MUC22: variants seen among roughly 807,000 people sequenced by gnomAD.
MUC22 encodes mucin-22.
Under a neutral mutation model 40.3 loss-of-function variants are expected in MUC22, and 24 were observed. The observed-to-expected ratio is 0.60, with a 90% confidence interval of 0.43 to 0.84. MUC22 has a LOEUF of 0.84. Among genes scored for constraint, MUC22 ranks in the 40% least tolerant of loss-of-function variants. The probability of loss-of-function intolerance (pLI) is 0.00; values close to 1 mark genes in which losing one functional copy is unlikely to be tolerated. For missense variants in MUC22, 1,926 were observed against 2,130.7 expected, an observed-to-expected ratio of 0.90 and a Z score of 1.89; for synonymous variants, 765 against 844.5, an observed-to-expected ratio of 0.91 and a Z score of 1.63.
At chr6:31,027,164 T>C in exon 2 of MUC22, 1 of 1,498,338 alleles carries the variant, frequency 6.7e-7, no homozygotes, top group Non-Finnish European at 8.9e-7. Flanking sequence ...GTGACCACAG[T>C]CTTTGCTGCA....
chr6:31,015,519 A>G (rs7761278), intron 1 of MUC22, among the ~76,000 whole-genome samples: 22,077 of 152,062 alleles, frequency 0.15, 1,756 homozygotes, highest in African/African-American at 0.19. Context: ...AGAAGAGAAA[A>G]ATGGGCCCAG....
chr6:31,027,371 C>A, exon 2 of MUC22: 1 of 1,532,532 alleles, frequency 6.5e-7, no homozygotes, highest in Non-Finnish European at 8.7e-7. Context: ...GAGGCCACTA[C>A]AGTCTCCACC....
chr6:31,024,127 A>C (rs1765083893), intron 1 of MUC22, among the ~76,000 whole-genome samples: 1 of 150,786 alleles, frequency 6.6e-6, no homozygotes, highest in South Asian at 2.1e-4. Context: ...ATTGACCTGT[A>C]ATCTTCAAAG....
At chr6:31,009,061 T>G (rs1763700863), upstream of MUC22, among the ~76,000 whole-genome samples, 1 of 152,234 alleles carries the variant, frequency 6.6e-6, no homozygotes, top group Non-Finnish European at 1.5e-5. Context: ...TATTGTTAAT[T>G]ATAGTCTCCA....
chr6:31,026,909 G>A (rs1400490814), exon 2 of MUC22: 1 of 1,503,854 alleles, frequency 6.6e-7, no homozygotes, highest in Non-Finnish European at 8.9e-7. Context: ...TCAACTGCAG[G>A]CTCTGAGACC....
chr6:31,029,815 G>A (rs1171281673), exon 2 of MUC22: 1 of 1,533,262 alleles, frequency 6.5e-7, no homozygotes, highest in Non-Finnish European at 8.7e-7. Flanking sequence ...CTCCACTTCA[G>A]GCTCTGAGAC....
intron 1 of MUC22, among the ~76,000 whole-genome samples, chr6:31,018,917 G>A (rs565352031): frequency 6.6e-6 from 1 of 151,538 alleles, no homozygotes; most frequent in East Asian, 1.9e-4. Flanking sequence ...TCTGAGTGAT[G>A]CAGTGGCCAG....
rs1355964978 is a variant in MUC22, at chr6:31,011,671, TATA to T, written c.70+898_70+900del. The stretch of plus-strand genomic sequence containing the variant: ...CATGTGTGTGCAAGTGTCTTTTTTG[TATA>T]ATGACTTCTTTTCCTCTGGGTAGAT... On this transcript the variant is annotated intron_variant, in intron 1 of 3. Coordinates refer to ENST00000561890, the Ensembl canonical transcript of MUC22. The surrounding 1 kb of genome is among the most constrained non-coding windows in gnomAD (Gnocchi z 4.5). Among the ~76,000 whole-genome samples the T allele has an allele frequency of 1.3e-5, 2 of 152,220 alleles. No individual in the cohort carries two copies. Among genetic ancestry groups the T allele is most frequent in the Non-Finnish European group, 2.9e-5 (2 of 68,038 alleles).
chr6:31,026,179 G>A (rs779132164), exon 2 of MUC22: 29 of 1,523,108 alleles, frequency 1.9e-5, no homozygotes, highest in Non-Finnish European at 2.1e-5. Context: ...GGTGATCACG[G>A]CATCCAGCAT....
Position 31,029,681 on chromosome 6 carries a change from C to G in MUC22, c.4250C>G (p.Thr1417Arg). 3.9e-6 allele frequency: 6 copies of G among 1,534,962 alleles called. No homozygotes were observed. The highest frequency in any genetic ancestry group is 5.2e-6 in the Non-Finnish European group (6 of 1,146,580). Residue 1417 changes from threonine to arginine, a missense_variant, in exon 2 of 4, where the codon ACA (threonine) becomes AGA (arginine). This residue lies in a region of MUC22 where 610 missense variants were observed against 714.6 expected (regional missense o/e 0.85). Transcript: ENST00000561890. Reference sequence around the variant, plus strand: ...TCTACCATAGGCTCTGAGGCCACCACATCCTCTGCTGCAGGCTCTGAGGCC... The same window carrying G: ...TCTACCATAGGCTCTGAGGCCACCAGATCCTCTGCTGCAGGCTCTGAGGCC...
chr6:31,022,675 A>G (rs909132374), intron 1 of MUC22, among the ~76,000 whole-genome samples: 8 of 152,230 alleles, frequency 5.3e-5, no homozygotes, highest in African/African-American at 1.9e-4. Context: ...GAAAAAGGAA[A>G]TGGAAGTGTA....
chr6:31,021,988 C>G (rs923978900), intron 1 of MUC22, among the ~76,000 whole-genome samples: 1 of 152,092 alleles, frequency 6.6e-6, no homozygotes, highest in Non-Finnish European at 1.5e-5. Context: ...AGCCAGCGAG[C>G]CCACGAGCCC....
exon 4 of MUC22, chr6:31,034,715 C>T: frequency 3.9e-6 from 6 of 1,535,582 alleles, no homozygotes; most frequent in Non-Finnish European, 5.2e-6. Context: ...ATTTATTACC[C>T]CCATGGCCAC....
Position 31,027,605 on chromosome 6 carries a change from C to T in MUC22, c.2174C>T (p.Thr725Ile). 2.6e-6 allele frequency: 4 copies of T among 1,527,010 alleles called. No homozygotes were observed. In the South Asian group the frequency reaches 4.8e-5, roughly 18 times the overall value. 94.6% of individuals were successfully genotyped at this position (1,527,010 alleles called of 1,614,324 possible). A position where few individuals can be genotyped will look rare whatever the true frequency, so the allele number is the denominator to read the frequency against. ...ACAGTCACTACCGCAGGCTCTGAGA[C>T]CAAAACAGCCTATACTACAGGCTCT... Residue 725 changes from threonine to isoleucine, a missense_variant, in exon 2 of 4, where the codon ACC (threonine) becomes ATC (isoleucine). By Grantham distance (89) the Thr-to-Ile change is moderately conservative. Around this residue, in one of 3 missense-constraint regions of MUC22, gnomAD observed 1,281 missense variants for 1,337.8 expected, o/e 0.96. Coordinates refer to ENST00000561890, the Ensembl canonical transcript of MUC22.
chr6:31,013,139 T>G (rs1399245061), intron 1 of MUC22, among the ~76,000 whole-genome samples: 1 of 149,336 alleles, frequency 6.7e-6, no homozygotes, highest in Non-Finnish European at 1.5e-5. Flanking sequence ...CTTTTTTTTT[T>G]TTTTGGAGAT....
chr6:31,032,302 C>T lies in MUC22; in HGVS notation c.4776C>T (p.Val1592=). ...CCAGCCATACTGTGCCAGGAATAGT[C>T]TTAAACACCTCTGGCCTGGGTACAT... Residue 1592 remains valine (V), a synonymous_variant, in exon 3 of 4, where the codon GTC becomes GTT. Coordinates refer to ENST00000561890, the Ensembl canonical transcript of MUC22. This position sits in a 1 kb window ranked among gnomAD's most constrained non-coding sequence, Gnocchi z 4.1. 1.3e-6 allele frequency: 2 copies of T among 1,535,668 alleles called. No individual in the cohort carries two copies. The highest frequency in any genetic ancestry group is 1.7e-6 in the Non-Finnish European group (2 of 1,146,884).
At chr6:31,012,151 T>G (rs1160272752) in intron 1 of MUC22, among the ~76,000 whole-genome samples, 1 of 152,186 alleles carries the variant, frequency 6.6e-6, no homozygotes, top group Non-Finnish European at 1.5e-5. Flanking sequence ...TCCATTCCAT[T>G]GCCTTTACTG....
chr6:31,012,446 A>T (rs1763922922), intron 1 of MUC22, among the ~76,000 whole-genome samples: 1 of 152,046 alleles, frequency 6.6e-6, no homozygotes, highest in African/African-American at 2.4e-5. Context: ...TATCTGTCTG[A>T]TTTTAAACAA....
chr6:31,032,086 C>T lies in MUC22; in HGVS notation c.4670-110C>T. 8.0e-7 allele frequency: 1 copy of T among 1,247,738 alleles called. No individual in the cohort carries two copies. The highest frequency in any genetic ancestry group is 1.5e-5 in the African/African-American group (1 of 66,038). 77.3% of individuals were successfully genotyped at this position (1,247,738 alleles called of 1,614,324 possible). Reference sequence around the variant, plus strand: ...CCTCCCCCACCACACCTCTCCTGAGCCACCTCCACCATAGGTTTGTTAGAT... The same window carrying T: ...CCTCCCCCACCACACCTCTCCTGAGTCACCTCCACCATAGGTTTGTTAGAT... On this transcript the variant is annotated intron_variant, in intron 2 of 3. Coordinates refer to ENST00000561890, the Ensembl canonical transcript of MUC22. The surrounding 1 kb of genome is among the most constrained non-coding windows in gnomAD (Gnocchi z 4.1).
Sources: gnomAD v4.1 joint callset for allele counts (sites outside exome capture counted in the v4.1 genomes callset) on GRCh38, gnomAD v4.1.1 for gene constraint, gnomAD v4.1.1 regional missense constraint, Gnocchi (gnomAD v3.1) non-coding constraint, MANE v1.5 for transcripts, NCBI Gene and HGNC (gene_info 2026-07-23, HGNC 2026-07-21) for gene names.